SPAG16: variants seen among roughly 807,000 people sequenced by gnomAD.
The protein encoded by SPAG16 is sperm associated antigen 16, also known as sperm-associated antigen 16 protein.
SPAG16 carries 86 observed loss-of-function variants against 80.4 expected under a neutral mutation model. That is an observed-to-expected ratio of 1.07 (90% CI 0.90 to 1.28). The LOEUF (loss-of-function observed/expected upper bound fraction) is 1.28. Ranked by LOEUF, SPAG16 falls within the 50% of genes most tolerant of loss-of-function variation. The probability of loss-of-function intolerance (pLI) is 0.00; values close to 1 mark genes in which losing one functional copy is unlikely to be tolerated. For synonymous variants in SPAG16, 294 were observed against 265.9 expected (o/e 1.11, Z -1.03); for missense variants, 870 against 765.3 (o/e 1.14, Z -1.61).
At chr2:213,315,591 T>C (rs1447073616) in intron 4 of SPAG16, among the ~76,000 whole-genome samples, 1 of 152,026 alleles carries the variant, frequency 6.6e-6, no homozygotes, top group South Asian at 2.1e-4. Context: ...GTGCTTTGCT[T>C]TAGAGCATAT....
chr2:214,162,126 T>C (rs1434740454), intron 15 of SPAG16, among the ~76,000 whole-genome samples: 1 of 152,158 alleles, frequency 6.6e-6, no homozygotes, highest in African/African-American at 2.4e-5. Flanking sequence ...CATTTGTTTC[T>C]CGTTCCCTTA....
intron 10 of SPAG16, among the ~76,000 whole-genome samples, chr2:213,719,228 C>G (rs530292705): frequency 6.6e-6 from 1 of 152,062 alleles, no homozygotes; most frequent in South Asian, 2.1e-4. Context: ...CACTCTGTAT[C>G]TAGCTGCTCT....
intron 10 of SPAG16, among the ~76,000 whole-genome samples, chr2:213,589,734 C>T (rs1472517009): frequency 1.3e-5 from 2 of 152,008 alleles, no homozygotes; most frequent in Non-Finnish European, 2.9e-5. Context: ...CCAGGCTGGA[C>T]AACATGGTGA....
chr2:214,384,881 C>T (rs1321923966), intron 15 of SPAG16, among the ~76,000 whole-genome samples: 1 of 152,214 alleles, frequency 6.6e-6, no homozygotes, highest in Non-Finnish European at 1.5e-5. Context: ...AATTCTATCC[C>T]TGAGTCAAGT....
At chr2:214,266,040 G>A (rs1477893443) in intron 15 of SPAG16, among the ~76,000 whole-genome samples, 1 of 151,502 alleles carries the variant, frequency 6.6e-6, no homozygotes, top group African/African-American at 2.4e-5. Context: ...CTACCCCCAG[G>A]GTCTAAGACA....
intron 15 of SPAG16, among the ~76,000 whole-genome samples, chr2:214,197,758 G>A (rs2057886484): frequency 6.6e-6 from 1 of 151,500 alleles, no homozygotes; most frequent in Non-Finnish European, 1.5e-5. Context: ...AGCTATGTGT[G>A]GTAACATCAG....
At chr2:213,545,175 A>G (rs1258395438) in intron 10 of SPAG16, among the ~76,000 whole-genome samples, 1 of 152,092 alleles carries the variant, frequency 6.6e-6, no homozygotes, top group Non-Finnish European at 1.5e-5. Flanking sequence ...CATGTGTTTA[A>G]TGGTATTCAT....
At chr2:214,019,835 T>C (rs1377598211) in intron 13 of SPAG16, among the ~76,000 whole-genome samples, 5 of 152,162 alleles carry the variant, frequency 3.3e-5, no homozygotes, top group African/African-American at 9.6e-5. Flanking sequence ...TCCTAGGTTC[T>C]CGAGAGGTGA....
At chr2:213,697,391 A>T (rs185381967) in intron 10 of SPAG16, among the ~76,000 whole-genome samples, 2 of 152,306 alleles carry the variant, frequency 1.3e-5, no homozygotes, top group Admixed American at 1.3e-4. Flanking sequence ...ATTGCTGTGC[A>T]TCTTGAAGCC....
At chr2:213,667,782 A>C (rs763462310) in intron 10 of SPAG16, among the ~76,000 whole-genome samples, 7 of 152,222 alleles carry the variant, frequency 4.6e-5, no homozygotes, top group Non-Finnish European at 1.0e-4. Flanking sequence ...ATACATAGAC[A>C]TGAGAAGAAA....
At chr2:213,826,754 C>A (rs1175419970) in intron 10 of SPAG16, among the ~76,000 whole-genome samples, 1 of 151,878 alleles carries the variant, frequency 6.6e-6, no homozygotes, top group Non-Finnish European at 1.5e-5. Flanking sequence ...CTGTTAGGTC[C>A]ATTTGTTCTA....
At chr2:213,800,620 G>T (rs2662663) in intron 10 of SPAG16, among the ~76,000 whole-genome samples, 12 of 152,002 alleles carry the variant, frequency 7.9e-5, no homozygotes, top group African/African-American at 2.9e-4. Context: ...TTATTGTGTT[G>T]ACTTTATCCC....
intron 15 of SPAG16, among the ~76,000 whole-genome samples, chr2:214,316,910 A>C (rs891314076): frequency 2.3e-4 from 35 of 152,300 alleles, no homozygotes; most frequent in African/African-American, 8.2e-4. Flanking sequence ...CAATGGGCCT[A>C]ATTTTGCCAG....
intron 11 of SPAG16, among the ~76,000 whole-genome samples, chr2:213,870,552 G>A (rs1252690781): frequency 6.6e-6 from 1 of 152,126 alleles, no homozygotes; most frequent in African/African-American, 2.4e-5. Context: ...AAGAGTATTT[G>A]CTCTGTTATT....
intron 9 of SPAG16, among the ~76,000 whole-genome samples, chr2:213,391,810 G>A (rs1439392505): frequency 6.6e-6 from 1 of 152,104 alleles, no homozygotes; most frequent in Non-Finnish European, 1.5e-5. Flanking sequence ...ATTATGCAAT[G>A]GCATGAACAA....
intron 1 of SPAG16, among the ~76,000 whole-genome samples, chr2:213,287,996 C>G (rs1025914426): frequency 6.6e-6 from 1 of 152,174 alleles, no homozygotes; most frequent in Non-Finnish European, 1.5e-5. Flanking sequence ...ACTTCAAATT[C>G]CTGGGCTCGA....
At chr2:214,096,783 A>G (rs10210714) in intron 13 of SPAG16, among the ~76,000 whole-genome samples, 14,026 of 152,126 alleles carry the variant, frequency 0.092, 826 homozygotes, top group East Asian at 0.28. Flanking sequence ...TAATTACACA[A>G]GGATTCAGCA....
intron 10 of SPAG16, among the ~76,000 whole-genome samples, chr2:213,590,912 G>A (rs1259281156): frequency 6.7e-6 from 1 of 150,230 alleles, no homozygotes; most frequent in Non-Finnish European, 1.5e-5. Flanking sequence ...CTACTCATCA[G>A]TGATGGATTG....
At chr2:213,693,019 T>A (rs2065010494) in intron 10 of SPAG16, among the ~76,000 whole-genome samples, 1 of 152,200 alleles carries the variant, frequency 6.6e-6, no homozygotes, top group African/African-American at 2.4e-5. Flanking sequence ...GAATCTTTAT[T>A]ACAAAAGAAT....
Sources: allele counts gnomAD v4.1 joint callset (sites outside exome capture counted in the v4.1 genomes callset), GRCh38; gene constraint gnomAD v4.1.1; transcripts MANE v1.5; gene names NCBI Gene and HGNC (gene_info 2026-07-23, HGNC 2026-07-21).